ERAP1: variants seen among roughly 807,000 people sequenced by gnomAD.
ERAP1 encodes adipocyte-derived leucine aminopeptidase.
In ERAP1, 86 loss-of-function variants were observed where a neutral mutation model predicts 103.7. The observed-to-expected ratio is 0.83, with a 90% CI of 0.70 to 0.99. The LOEUF (loss-of-function observed/expected upper bound fraction) is 0.99. ERAP1 is among the 50% of genes least tolerant of loss of function. The probability of loss-of-function intolerance (pLI) is 0.00; values close to 1 mark genes in which losing one functional copy is unlikely to be tolerated. For synonymous variants in ERAP1, 398 were observed against 402.4 expected (o/e 0.99, Z 0.13); for missense variants, 1,009 against 1,128.4 (o/e 0.89, Z 1.52).
the ERAP1 span, among the ~76,000 whole-genome samples, chr5:96,871,935 A>G: frequency 6.6e-6 from 1 of 152,188 alleles, no homozygotes; most frequent in Non-Finnish European, 1.5e-5. Flanking sequence ...TGCATTTACT[A>G]GGTGAATTTC....
At chr5:96,765,862 G>A (rs540867473) in intron 19 of ERAP1, among the ~76,000 whole-genome samples, 3 of 152,138 alleles carry the variant, frequency 2.0e-5, no homozygotes, top group South Asian at 4.1e-4. Flanking sequence ...AGAAGCATAC[G>A]GGATTTTATA....
chr5:96,910,453 G>GAA, the ERAP1 span, among the ~76,000 whole-genome samples: 5 of 140,166 alleles, frequency 3.6e-5, no homozygotes, highest in East Asian at 2.0e-4. Context: ...ATCAGTTTTA[G>GAA]AAAAAAAAAA....
the ERAP1 span, among the ~76,000 whole-genome samples, chr5:96,819,838 C>T: frequency 2.0e-5 from 3 of 152,186 alleles, no homozygotes; most frequent in East Asian, 1.9e-4. Context: ...CTTAGGACAT[C>T]ATCAAAAGAT....
the ERAP1 span, among the ~76,000 whole-genome samples, chr5:96,906,352 A>C: frequency 2.0e-5 from 3 of 152,000 alleles, no homozygotes; most frequent in Non-Finnish European, 2.9e-5. Flanking sequence ...CTGCAGCCTC[A>C]ACCTCCTGGG....
the ERAP1 span, among the ~76,000 whole-genome samples, chr5:96,878,335 A>G: frequency 6.6e-6 from 1 of 152,164 alleles, no homozygotes; most frequent in Non-Finnish European, 1.5e-5. Flanking sequence ...CAACCTTTAC[A>G]CCAGTAGCCA....
chr5:96,825,305 CT>C, the ERAP1 span, among the ~76,000 whole-genome samples: 3 of 152,144 alleles, frequency 2.0e-5, no homozygotes, highest in African/African-American at 7.2e-5. Flanking sequence ...AGCTATCTTT[CT>C]GTTATTGATT....
chr5:96,803,287 C>G, intron 2 of ERAP1, 116 bp downstream of exon 2: 2 of 1,116,224 alleles, frequency 1.8e-6, no homozygotes, highest in Non-Finnish European at 2.6e-6. Context: ...GATGCAAAAG[C>G]AAAACTGAAG....
intron 19 of ERAP1, chr5:96,767,764 C>T (rs1348459964): frequency 2.7e-5 from 17 of 631,718 alleles, no homozygotes; most frequent in Non-Finnish European, 3.9e-5. Context: ...ATCTCCTTTA[C>T]AATACATTAT....
chr5:96,853,571 T>A, the ERAP1 span, among the ~76,000 whole-genome samples: 1 of 152,074 alleles, frequency 6.6e-6, no homozygotes, highest in African/African-American at 2.4e-5. Flanking sequence ...ACAGCTACAA[T>A]CAACTTAATT....
the ERAP1 span, among the ~76,000 whole-genome samples, chr5:96,914,424 A>T: frequency 1.2e-4 from 18 of 152,196 alleles, no homozygotes; most frequent in African/African-American, 3.9e-4. Flanking sequence ...CAAGGAGTTG[A>T]CGTCCACATG....
Position 96,776,250 on chromosome 5 carries a change from A to ATTC in ERAP1, c.*143_*145dup. The ATTC allele has an allele frequency of 3.6e-6, 4 of 1,096,358 alleles. No individual in the cohort carries two copies. The highest frequency in any genetic ancestry group is 5.1e-6 in the Non-Finnish European group (4 of 780,086). 67.9% of individuals were successfully genotyped at this position (1,096,358 alleles called of 1,614,324 possible). On this transcript the variant is annotated 3_prime_UTR_variant, in exon 19 of 19. Coordinates refer to ENST00000443439, the MANE Select transcript of ERAP1 (RefSeq NM_001040458.3). ...GCCCATTCATGAAAAACTAACAGCTATTCTTTTCACAGGGATAGTCAAAAA... is the reference window on the plus strand; with the variant it reads ...GCCCATTCATGAAAAACTAACAGCTATTCTTCTTTTCACAGGGATAGTCAAAAA...
At chr5:96,778,733 G>A (rs182149564) in intron 18 of ERAP1, among the ~76,000 whole-genome samples, 7 of 152,326 alleles carry the variant, frequency 4.6e-5, no homozygotes, top group African/African-American at 1.7e-4. Flanking sequence ...TGGCAAGGGG[G>A]AGGCCAGTTA....
the ERAP1 span, chr5:96,879,839 G>T: frequency 1.2e-6 from 2 of 1,614,078 alleles, no homozygotes; most frequent in Non-Finnish European, 1.7e-6. Flanking sequence ...GGATCCTGGG[G>T]CTTTCCCAGT....
At chr5:96,843,024 T>G in the ERAP1 span, among the ~76,000 whole-genome samples, 2 of 152,216 alleles carry the variant, frequency 1.3e-5, no homozygotes, top group African/African-American at 2.4e-5. Context: ...CAGTTAAAGA[T>G]AACATCTTAA....
the ERAP1 span, among the ~76,000 whole-genome samples, chr5:96,841,293 A>G: frequency 3.3e-5 from 5 of 152,352 alleles, no homozygotes; most frequent in Admixed American, 6.5e-5. Context: ...CGGTATCTGT[A>G]TATTATAACC....
At chr5:96,883,641 C>T in the ERAP1 span, 2 of 762,900 alleles carry the variant, frequency 2.6e-6, no homozygotes, top group Non-Finnish European at 4.1e-6. Context: ...CTTCATTTTC[C>T]TCAAAGAGAC....
chr5:96,767,416 AAT>A (rs1770389886), intron 19 of ERAP1: 3 of 1,603,686 alleles, frequency 1.9e-6, no homozygotes, highest in Non-Finnish European at 2.6e-6. Flanking sequence ...ATGCTTAACC[AAT>A]AGTCTGCCTT....
chr5:96,917,319 G>T, the ERAP1 span: 2 of 583,756 alleles, frequency 3.4e-6, no homozygotes, highest in Non-Finnish European at 2.9e-6. Flanking sequence ...AGGGGTTCTG[G>T]CATGTTGCCT....
chr5:96,886,444 A>G, the ERAP1 span, among the ~76,000 whole-genome samples: 7 of 152,228 alleles, frequency 4.6e-5, no homozygotes, highest in African/African-American at 1.7e-4. Context: ...TCTCAAAAGC[A>G]GGGCTTTTTG....
Sources: allele counts gnomAD v4.1 joint callset (sites outside exome capture counted in the v4.1 genomes callset), GRCh38; gene constraint gnomAD v4.1.1; transcripts MANE v1.5; gene names NCBI Gene and HGNC (gene_info 2026-07-23, HGNC 2026-07-21).